ANPEP: variants seen among roughly 807,000 people sequenced by gnomAD.
ANPEP encodes the protein aminopeptidase N.
ANPEP carries 70 observed loss-of-function variants against 114.6 expected under a neutral mutation model. That is an observed-to-expected ratio of 0.61 (90% CI 0.50 to 0.75). The LOEUF is 0.75. Among genes scored for constraint, ANPEP ranks in the 30% least tolerant of loss-of-function variants. The pLI is 0.00. For synonymous variants in ANPEP, 548 were observed against 522.3 expected, an observed-to-expected ratio of 1.05 and a Z score of -0.67; for missense variants, 1,184 against 1,259.5, an observed-to-expected ratio of 0.94 and a Z score of 0.91.
At position 89,804,937 on chromosome 15, in the gene ANPEP, G is replaced by C; in HGVS notation, c.897+141C>G. ...GCAGAAATGGAGAACCAGAGAACAA[G>C]ACACTTGCCTGAAATCACTCAGAGG... On this transcript the variant is annotated intron_variant, in intron 4 of 20. Coordinates refer to ENST00000300060, the MANE Select transcript of ANPEP (RefSeq NM_001150.3). 3 of 1,226,840 alleles carry C rather than the reference G, an allele frequency of 2.4e-6. No individual in the cohort carries two copies. In the South Asian group the frequency reaches 4.2e-5, roughly 17 times the overall value. The allele number at this position is 1,226,840 out of a possible 1,614,324, so 76.0% of individuals were successfully genotyped here.
Position 89,804,557 on chromosome 15 carries a change from C to T in ANPEP, c.958G>A (p.Val320Met), listed in dbSNP as rs773723918. 42 of 1,614,066 alleles carry T rather than the reference C, an allele frequency of 2.6e-5. No homozygotes were observed. The Admixed American group carries it at 3.2e-4, about 12-fold the overall frequency. The change falls in exon 5 of 21, where the codon GTG (valine) becomes ATG (methionine). Residue 320 changes from valine to methionine, a missense_variant. Coordinates refer to ENST00000300060, the MANE Select transcript of ANPEP (RefSeq NM_001150.3). ...AAGAAGTTAAGGATGGGGCCCGTCA[C>T]GTTCAGGGCATAATCGCCGTGGCCC... ...AAGHGDYALN[V>M]TGPILNFFAG...
At chr15:89,813,748 C>T (rs1002637805) in intron 1 of ANPEP, among the ~76,000 whole-genome samples, 1 of 152,228 alleles carries the variant, frequency 6.6e-6, no homozygotes, top group Admixed American at 6.5e-5. Flanking sequence ...CCCTGAGGGG[C>T]CCTCTGGTCC....
Position 89,799,615 on chromosome 15 carries a change from T to C in ANPEP, c.1820-56A>G, listed in dbSNP as rs957454128. On this transcript the variant is annotated intron_variant, in intron 12 of 20. Transcript: ENST00000300060. This position sits in a 1 kb window ranked among gnomAD's most constrained non-coding sequence, Gnocchi z 4.2. Reference sequence around the variant, plus strand: ...TGCTCAGAGGCCATGGGCTGACCCCTGGACCTCTTGCAAGAGCAGCTGCCC... The same window carrying C: ...TGCTCAGAGGCCATGGGCTGACCCCCGGACCTCTTGCAAGAGCAGCTGCCC... 5 of 1,608,242 alleles carry C rather than the reference T, an allele frequency of 3.1e-6. 1 individual carries two copies. The highest frequency in any genetic ancestry group is 2.7e-5 in the African/African-American group (2 of 74,822).
intron 1 of ANPEP, among the ~76,000 whole-genome samples, chr15:89,814,020 T>G (rs914178564): frequency 1.4e-5 from 2 of 147,348 alleles, no homozygotes; most frequent in Non-Finnish European, 3.0e-5. Context: ...CTGGAGTCAT[T>G]TGGGGAAAGG....
chr15:89,811,565 G>T (rs557418785), intron 1 of ANPEP, among the ~76,000 whole-genome samples: 4 of 151,558 alleles, frequency 2.6e-5, no homozygotes, highest in Non-Finnish European at 5.9e-5. Flanking sequence ...AGAATGGCAT[G>T]AACCCGGGAG....
At position 89,805,048 on chromosome 15, in the gene ANPEP, C is replaced by T. The variant is rs374137277; in HGVS notation, c.897+30G>A. On this transcript the variant is annotated intron_variant, in intron 4 of 20. Coordinates refer to ENST00000300060, the MANE Select transcript of ANPEP (RefSeq NM_001150.3). Reference sequence around the variant, plus strand: ...GACCCCTCAAGCCGGGGCCAGCCCACGTGAAGGAGAGATGGGCCCAGCCTC... The same window carrying T: ...GACCCCTCAAGCCGGGGCCAGCCCATGTGAAGGAGAGATGGGCCCAGCCTC... 21 of 1,613,284 alleles carry T rather than the reference C, an allele frequency of 1.3e-5. No homozygotes were observed. In the Admixed American group the frequency reaches 2.7e-4, roughly 20 times the overall value.
chr15:89,792,533 G>C lies in ANPEP; in HGVS notation c.2279C>G (p.Ala760Gly). ...QYSEVNAIST[A>G]CSNGVPECEE... is the part of the protein sequence containing the mutation. ...ACACTCTGGAACTCCGTTGGAGCAG[G>C]CGGTGCTGATGGCATTAACCTCGCT... The change falls in exon 17 of 21, where the codon GCC becomes GGC. Residue 760 changes from alanine (A) to glycine (G), a missense_variant. Ala to Gly is a moderately conservative substitution (Grantham distance 60, BLOSUM62 0). Coordinates refer to ENST00000300060, the MANE Select transcript of ANPEP (RefSeq NM_001150.3). 6.2e-7 allele frequency: 1 copy of C among 1,614,180 alleles called. No individual in the cohort carries two copies. The highest frequency in any genetic ancestry group is 8.5e-7 in the Non-Finnish European group (1 of 1,180,018).
At position 89,790,519 on chromosome 15, in the gene ANPEP, A is replaced by G. The variant is rs1968600286; in HGVS notation, c.2692T>C (p.Phe898Leu). The G allele has an allele frequency of 6.2e-7, 1 of 1,614,030 alleles. No individual in the cohort carries two copies. Among genetic ancestry groups the G allele is most frequent in the Non-Finnish European group, 8.5e-7 (1 of 1,179,948 alleles). ...FNDYGGGSFSFSNLIQAVTRR... is the reference protein window; with the variant it reads ...FNDYGGGSFSLSNLIQAVTRR... ...GTCACTGCCTGGATGAGGTTGGAGA[A>G]GGAGAACGAGCCACCACCATAACTG... The change falls in exon 20 of 21, where the codon TTC (phenylalanine) becomes CTC (leucine). Residue 898 changes from phenylalanine (F) to leucine (L), a missense_variant. Physicochemically the swap from Phe to Leu is conservative, Grantham distance 22. Coordinates refer to ENST00000300060, the MANE Select transcript of ANPEP (RefSeq NM_001150.3).
rs1968487096 is a variant in ANPEP at position 89,785,353 on chromosome 15, T to A, written c.2900A>T (p.Lys967Ile). Reference sequence around the variant, plus strand: ...GGTGACTTCAAGGGCTGGGGACTATTTGCTGTTTTCTGTGAACCACTGGAG... The same window carrying A: ...GGTGACTTCAAGGGCTGGGGACTATATGCTGTTTTCTGTGAACCACTGGAG... ...VVLQWFTENS[K>I] The change falls in exon 21 of 21, where the codon AAA becomes ATA. Residue 967 changes from lysine to isoleucine, a missense_variant. By Grantham distance (102) the Lys-to-Ile change is moderately radical. Coordinates refer to ENST00000300060, the MANE Select transcript of ANPEP (RefSeq NM_001150.3). The A allele has an allele frequency of 6.2e-7, 1 of 1,614,068 alleles. No individual in the cohort carries two copies. Among genetic ancestry groups the A allele is most frequent in the Admixed American group, 1.7e-5 (1 of 60,006 alleles).
At chr15:89,797,490 A>G in intron 15 of ANPEP, 85 bp downstream of exon 15, 1 of 1,480,000 alleles carries the variant, frequency 6.8e-7, no homozygotes, top group Non-Finnish European at 9.0e-7. Context: ...GGAGTCCAGT[A>G]GGCAATAGTC....
At chr15:89,788,554 G>C (rs147536636) in intron 20 of ANPEP, among the ~76,000 whole-genome samples, 3 of 152,142 alleles carry the variant, frequency 2.0e-5, no homozygotes, top group African/African-American at 7.2e-5. Flanking sequence ...TTAGACAGTA[G>C]TGATGGTTGT....
At chr15:89,802,172 G>A (rs1028519484) in intron 10 of ANPEP, among the ~76,000 whole-genome samples, 11 of 152,250 alleles carry the variant, frequency 7.2e-5, no homozygotes, top group African/African-American at 1.4e-4. Context: ...ACCTAAGAAC[G>A]GGGCCACACA....
chr15:89,788,375 G>C (rs972986699), intron 20 of ANPEP, among the ~76,000 whole-genome samples: 1 of 152,172 alleles, frequency 6.6e-6, no homozygotes, highest in Non-Finnish European at 1.5e-5. Context: ...GACACAAAAA[G>C]GCTGTGTGTA....
intron 12 of ANPEP, among the ~76,000 whole-genome samples, chr15:89,800,556 C>CT (rs759889538): frequency 0.023 from 2,797 of 124,270 alleles, 60 homozygotes; most frequent in African/African-American, 0.045. Flanking sequence ...GGATTCTCTC[C>CT]TTTTTTTTTT....
intron 10 of ANPEP, chr15:89,802,292 G>A (rs1365424183): frequency 6.6e-6 from 1 of 152,598 alleles, no homozygotes; most frequent in Admixed American, 6.5e-5. Context: ...ACGCAAAGGG[G>A]AAGTTGGGGC....
rs745367336 is a variant in ANPEP at position 89,803,874 on chromosome 15, G to A, written c.1293+15C>T. On this transcript the variant is annotated intron_variant, in intron 7 of 20. Transcript: ENST00000300060. The surrounding 1 kb of genome is among the most constrained non-coding windows in gnomAD (Gnocchi z 4.2). ...TCCATGCCCCCCGCACCAGACCCCT[G>A]GGCAGCTGGCTTACCAAGTTCCAGG... 2 of 1,614,110 alleles carry A rather than the reference G, an allele frequency of 1.2e-6. No individual in the cohort carries two copies. Among genetic ancestry groups the A allele is most frequent in the East Asian group, 2.2e-5 (1 of 44,866 alleles).
chr15:89,790,966 T>C lies in ANPEP; in HGVS notation c.2656A>G (p.Lys886Glu). 6.2e-7 allele frequency: 1 copy of C among 1,614,070 alleles called. No individual in the cohort carries two copies. The highest frequency in any genetic ancestry group is 8.5e-7 in the Non-Finnish European group (1 of 1,179,998). ...VWDFVQSNWKKLFNDYGGGSF... is the reference protein window; with the variant it reads ...VWDFVQSNWKELFNDYGGGSF... Reference sequence around the variant, plus strand: ...CCACAGACTCACTCGTTAAAAAGCTTCTTCCAGTTGCTCTGGACAAAGTCC... The same window carrying C: ...CCACAGACTCACTCGTTAAAAAGCTCCTTCCAGTTGCTCTGGACAAAGTCC... The change falls in exon 19 of 21, where the codon AAG becomes GAG. Residue 886 changes from lysine (K) to glutamate (E), a missense_variant. Coordinates refer to ENST00000300060, the MANE Select transcript of ANPEP (RefSeq NM_001150.3).
At position 89,785,305 on chromosome 15, in the gene ANPEP, G is replaced by GGGA. The variant is rs1440059978; in HGVS notation, c.*43_*44insTCC. ...GCACCAGCCGCTGGGATGGACACATGTGGGCACCTTGCATGGGGGCCGGGT... is the reference window on the plus strand; with the variant it reads ...GCACCAGCCGCTGGGATGGACACATGGGATGGGCACCTTGCATGGGGGCCGGGT... On this transcript the variant is annotated 3_prime_UTR_variant, in exon 21 of 21. Coordinates refer to ENST00000300060, the MANE Select transcript of ANPEP (RefSeq NM_001150.3). 1 of 1,612,514 alleles carries GGGA rather than the reference G, an allele frequency of 6.2e-7. No homozygotes were observed. The highest frequency in any genetic ancestry group is 2.2e-5 in the East Asian group (1 of 44,866).
chr15:89,808,689 C>T (rs1894767246), intron 1 of ANPEP, among the ~76,000 whole-genome samples: 2 of 152,180 alleles, frequency 1.3e-5, no homozygotes, highest in East Asian at 1.9e-4. Context: ...CGTGCCAGGC[C>T]CCAGCATGTC....
Sources: gnomAD v4.1 joint callset for allele counts (sites outside exome capture counted in the v4.1 genomes callset) on GRCh38, gnomAD v4.1.1 for gene constraint, Gnocchi (gnomAD v3.1) non-coding constraint, MANE v1.5 for transcripts, NCBI Gene and HGNC (gene_info 2026-07-23, HGNC 2026-07-21) for gene names.